The following GLI3 variants were observed in gnomAD, a reference collection of about 807,000 sequenced individuals.
GLI3 encodes the protein GLI family zinc finger 3, also known as transcription activator GLI3.
Under a neutral mutation model 100.8 loss-of-function variants are expected in GLI3, and 20 were observed. That is an observed-to-expected ratio of 0.20 (90% confidence interval 0.14 to 0.29). GLI3 has a LOEUF of 0.29. GLI3 is among the 10% of genes least tolerant of loss of function. GLI3 has a pLI of 1.00. For synonymous variants in GLI3, 938 were observed against 860.5 expected, an observed-to-expected ratio of 1.09 and a Z score of -1.58; for missense variants, 2,040 against 2,128.5, an observed-to-expected ratio of 0.96 and a Z score of 0.82.
chr7:41,966,472 G>C lies in GLI3; in HGVS notation c.2601C>G (p.Ile867Met), dbSNP rs1787187840. Residue 867 changes from isoleucine to methionine, a missense_variant, in exon 15 of 15, where the codon ATC (isoleucine) becomes ATG (methionine). Ile to Met is a conservative substitution (Grantham distance 10). Transcript: ENST00000395925. This position sits in a 1 kb window ranked among gnomAD's most constrained non-coding sequence, Gnocchi z 5.8. Reference protein sequence around the residue: ...AYLSSRRSSGISPCFSSRRSS... With the variant: ...AYLSSRRSSGMSPCFSSRRSS... Reference sequence around the variant, plus strand: ...AGCGGCGGCTGGAGAAGCAGGGCGAGATCCCTGAGGAGCGGCGGCTGCTCA... The same window carrying C: ...AGCGGCGGCTGGAGAAGCAGGGCGACATCCCTGAGGAGCGGCGGCTGCTCA... The C allele has an allele frequency of 1.2e-6, 2 of 1,613,124 alleles. No individual in the cohort carries two copies. The highest frequency in any genetic ancestry group is 2.7e-5 in the African/African-American group (2 of 74,922).
chr7:42,229,017 G>A (rs1788640668), intron 1 of GLI3, among the ~76,000 whole-genome samples: 1 of 152,144 alleles, frequency 6.6e-6, no homozygotes, highest in South Asian at 2.1e-4. Context: ...CATGGGAGCA[G>A]GATTCCTTTA....
Position 42,184,918 on chromosome 7 carries a change from C to T in GLI3, c.125-36450G>A, listed in dbSNP as rs576281334. Reference sequence around the variant, plus strand: ...ATCCTGACATCTCCCTGTACTCCTTCCTGCTCCTCCCCTCTCTTCCCCAGA... The same window carrying T: ...ATCCTGACATCTCCCTGTACTCCTTTCTGCTCCTCCCCTCTCTTCCCCAGA... On this transcript the variant is annotated intron_variant, in intron 2 of 14. Transcript: ENST00000395925. Among the ~76,000 whole-genome samples the T allele has an allele frequency of 7.2e-5, 11 of 152,284 alleles. No individual in the cohort carries two copies. In the South Asian group the frequency reaches 2.1e-3, roughly 29 times the overall value.
chr7:42,159,865 G>A (rs1162183854), intron 2 of GLI3, among the ~76,000 whole-genome samples: 1 of 152,158 alleles, frequency 6.6e-6, no homozygotes, highest in Non-Finnish European at 1.5e-5. Context: ...AAAAATCACT[G>A]CCAAGGGCTG....
chr7:41,965,885 G>A lies in GLI3; in HGVS notation c.3188C>T (p.Ser1063Phe), dbSNP rs1787156796. The change falls in exon 15 of 15, where the codon TCC becomes TTC. Residue 1063 changes from serine (S) to phenylalanine (F), a missense_variant. By Grantham distance (155) the Ser-to-Phe change is radical. This residue lies in a region of GLI3 where 1,041 missense variants were observed against 924.0 expected (regional missense o/e 1.13). Coordinates refer to ENST00000395925, the MANE Select transcript of GLI3 (RefSeq NM_000168.6). ...CTCGGTGATGCTGGGAGGACAGGGG[G>A]ACGAGTGGAAGTTTCGGGACTGGCC... ...EGGQSRNFHSSPCPPSITENV... is the reference protein window; with the variant it reads ...EGGQSRNFHSFPCPPSITENV... 1.2e-6 allele frequency: 2 copies of A among 1,613,688 alleles called. No individual in the cohort carries two copies. Among genetic ancestry groups the A allele is most frequent in the East Asian group, 4.5e-5 (2 of 44,834 alleles).
At chr7:42,008,431 C>A (rs1297443470) in intron 10 of GLI3, among the ~76,000 whole-genome samples, 1 of 152,190 alleles carries the variant, frequency 6.6e-6, no homozygotes, top group Non-Finnish European at 1.5e-5. Context: ...TGCAAAACTT[C>A]TCTTCCTTGG....
rs1787384727 is a variant in GLI3 at position 41,972,329 on chromosome 7, T to C, written c.2103+8A>G. On this transcript the variant is annotated splice_region_variant and intron_variant, in intron 13 of 14. Coordinates refer to ENST00000395925, the MANE Select transcript of GLI3 (RefSeq NM_000168.6). This position sits in a 1 kb window ranked among gnomAD's most constrained non-coding sequence, Gnocchi z 4.4. ...GCTGTGAAGTCAGAAGGAGAGTGAA[T>C]GACATACCATTGGCTTCTCTGCCTT... is the stretch of plus-strand genomic sequence containing the variant. The C allele has an allele frequency of 6.2e-7, 1 of 1,613,020 alleles. No homozygotes were observed. The highest frequency in any genetic ancestry group is 1.3e-5 in the African/African-American group (1 of 75,024).
intron 4 of GLI3, among the ~76,000 whole-genome samples, chr7:42,074,127 T>A (rs1174662184): frequency 2.0e-5 from 3 of 152,220 alleles, no homozygotes; most frequent in African/African-American, 7.2e-5. Flanking sequence ...CTGCCTGGAA[T>A]GCCAACCTTC....
At chr7:42,121,321 T>G (rs1178172604) in intron 3 of GLI3, among the ~76,000 whole-genome samples, 1 of 152,212 alleles carries the variant, frequency 6.6e-6, no homozygotes, top group Non-Finnish European at 1.5e-5. Flanking sequence ...GCACAAGAAG[T>G]GCCATTTCTA....
At chr7:42,169,094 A>G (rs1195996516) in intron 2 of GLI3, among the ~76,000 whole-genome samples, 1 of 152,154 alleles carries the variant, frequency 6.6e-6, no homozygotes, top group Non-Finnish European at 1.5e-5. Context: ...CCTTTTCTAC[A>G]TGCATATTCT....
At chr7:42,017,253 C>T (rs1412189712) in intron 10 of GLI3, among the ~76,000 whole-genome samples, 1 of 152,228 alleles carries the variant, frequency 6.6e-6, no homozygotes, top group African/African-American at 2.4e-5. Context: ...AGGGCACTAA[C>T]TATTGGCAGA....
intron 3 of GLI3, among the ~76,000 whole-genome samples, chr7:42,124,633 C>T (rs1176512283): frequency 6.6e-6 from 1 of 152,194 alleles, no homozygotes; most frequent in Non-Finnish European, 1.5e-5. Context: ...GAACCAAATT[C>T]AAATGCTGGT....
chr7:41,972,658 A>G lies in GLI3; in HGVS notation c.1813-31T>C, dbSNP rs1406676483. On this transcript the variant is annotated intron_variant, in intron 12 of 14. Coordinates refer to ENST00000395925, the MANE Select transcript of GLI3 (RefSeq NM_000168.6). This position sits in a 1 kb window ranked among gnomAD's most constrained non-coding sequence, Gnocchi z 4.4. ...AAATCCCACAAGAACGAGGTAAGAG[A>G]TTGTTATGAAAGAGACTATGCCCCA... 4 of 1,589,222 alleles carry G rather than the reference A, an allele frequency of 2.5e-6. No homozygotes were observed. The highest frequency in any genetic ancestry group is 3.4e-6 in the Non-Finnish European group (4 of 1,170,434).
At chr7:42,036,551 A>G (rs79703609) in intron 7 of GLI3, among the ~76,000 whole-genome samples, 1 of 152,252 alleles carries the variant, frequency 6.6e-6, no homozygotes, top group East Asian at 1.9e-4. Flanking sequence ...ATGCTATTAC[A>G]GGCGTCTTTA....
chr7:42,245,159 G>A (rs1439590046), intron 1 of GLI3, among the ~76,000 whole-genome samples: 2 of 152,108 alleles, frequency 1.3e-5, no homozygotes, highest in African/African-American at 4.8e-5. Flanking sequence ...CAGTGATGGC[G>A]ATAGTGGAAG....
intron 10 of GLI3, among the ~76,000 whole-genome samples, chr7:41,980,281 T>C (rs1787622495): frequency 6.6e-6 from 1 of 152,202 alleles, no homozygotes; most frequent in Non-Finnish European, 1.5e-5. Context: ...AGTGTTTCTT[T>C]AAAGTTATGA....
intron 3 of GLI3, among the ~76,000 whole-genome samples, chr7:42,120,766 C>A (rs986747572): frequency 6.6e-6 from 1 of 152,218 alleles, no homozygotes; most frequent in Non-Finnish European, 1.5e-5. Flanking sequence ...TCCAGATATG[C>A]TGTTCTGATT....
intron 3 of GLI3, among the ~76,000 whole-genome samples, chr7:42,134,008 G>C (rs1786360606): frequency 6.6e-6 from 1 of 151,190 alleles, no homozygotes; most frequent in African/African-American, 2.4e-5. Flanking sequence ...TTGAACTTGG[G>C]AGGTGGAGGT....
chr7:42,145,378 G>A (rs1583596517), intron 3 of GLI3: 1 of 395,426 alleles, frequency 2.5e-6, no homozygotes, highest in Non-Finnish European at 4.5e-6. Context: ...TTTCTGCTAA[G>A]AATTTAAAAT....
chr7:42,061,196 T>C (rs1784561415), intron 4 of GLI3, among the ~76,000 whole-genome samples: 1 of 152,116 alleles, frequency 6.6e-6, no homozygotes, highest in Non-Finnish European at 1.5e-5. Context: ...GTGGCAGGTG[T>C]TATAGAGGAT....
Sources: gnomAD v4.1 joint callset for allele counts (sites outside exome capture counted in the v4.1 genomes callset) on GRCh38, gnomAD v4.1.1 for gene constraint, gnomAD v4.1.1 regional missense constraint, Gnocchi (gnomAD v3.1) non-coding constraint, MANE v1.5 for transcripts, NCBI Gene and HGNC (gene_info 2026-07-23, HGNC 2026-07-21) for gene names.